The following ITPKB variants were observed in gnomAD, a reference collection of about 807,000 sequenced individuals.
ITPKB encodes the protein inositol-trisphosphate 3-kinase B.
A neutral mutation model predicts 69.4 loss-of-function variants in ITPKB; 13 were observed. The ratio of observed to expected loss-of-function variants is 0.19; its 90% CI spans 0.12 to 0.30. The LOEUF is 0.30. ITPKB is among the 10% of genes least tolerant of loss of function. The probability of loss-of-function intolerance (pLI) is 1.00; values close to 1 mark genes in which losing one functional copy is unlikely to be tolerated. For synonymous variants in ITPKB, 584 were observed against 513.7 expected (o/e 1.14, Z -1.85); for missense variants, 1,240 against 1,250.5 (o/e 0.99, Z 0.13).
chr1:226,656,004 G>A (rs374675489), intron 2 of ITPKB, among the ~76,000 whole-genome samples: 6 of 152,118 alleles, frequency 3.9e-5, no homozygotes, highest in African/African-American at 1.2e-4. Context: ...CTGTCCCCAC[G>A]CCACCTTAGG....
chr1:226,637,730 C>T lies in ITPKB; in HGVS notation c.2574G>A (p.Leu858=). Residue 858 remains leucine (L), a synonymous_variant, in exon 7 of 8, where the codon CTG becomes CTA. Transcript: ENST00000429204. This position sits in a 1 kb window ranked among gnomAD's most constrained non-coding sequence, Gnocchi z 4.3. ...CTTCTAGAGTGGTTCGAATGGCCTT[C>T]AGCCGGTCCCGATAGGCGATCTGGG... The part of the protein sequence containing the change: ...HNILIAYRDR[L]KAIRTTLEVS... 1.2e-6 allele frequency: 2 copies of T among 1,613,924 alleles called. No individual in the cohort carries two copies. Among genetic ancestry groups the T allele is most frequent in the South Asian group, 1.1e-5 (1 of 91,034 alleles).
At chr1:226,726,892 C>T (rs773817189) in intron 2 of ITPKB, among the ~76,000 whole-genome samples, 1 of 152,144 alleles carries the variant, frequency 6.6e-6, no homozygotes, top group African/African-American at 2.4e-5. Flanking sequence ...CAATCTGGGT[C>T]TCAGGATTAT....
intron 7 of ITPKB, among the ~76,000 whole-genome samples, chr1:226,636,710 A>G (rs2102737109): frequency 6.6e-6 from 1 of 150,736 alleles, no homozygotes; most frequent in East Asian, 2.0e-4. Context: ...CCCGCTTCAC[A>G]CCCACCCACC....
At chr1:226,719,426 G>A (rs1360034144) in intron 2 of ITPKB, among the ~76,000 whole-genome samples, 1 of 152,176 alleles carries the variant, frequency 6.6e-6, no homozygotes, top group Non-Finnish European at 1.5e-5. Context: ...TACGATGGAG[G>A]CCACAGCCTC....
chr1:226,657,730 G>T (rs532032317), intron 2 of ITPKB, among the ~76,000 whole-genome samples: 1 of 152,330 alleles, frequency 6.6e-6, no homozygotes, highest in East Asian at 1.9e-4. Context: ...GTTGAGAGGG[G>T]TTTAGTAACT....
At chr1:226,687,831 T>C (rs1656250367) in intron 2 of ITPKB, among the ~76,000 whole-genome samples, 1 of 152,090 alleles carries the variant, frequency 6.6e-6, no homozygotes, top group African/African-American at 2.4e-5. Flanking sequence ...CTCAAGACCA[T>C]AGGGATGGAG....
intron 2 of ITPKB, among the ~76,000 whole-genome samples, chr1:226,671,191 T>C (rs1044792378): frequency 1.1e-4 from 16 of 152,202 alleles, no homozygotes; most frequent in Non-Finnish European, 1.8e-4. Flanking sequence ...GGAACATTAG[T>C]GGAGGACCAT....
chr1:226,693,369 A>G (rs201630783), intron 2 of ITPKB, among the ~76,000 whole-genome samples: 15 of 152,260 alleles, frequency 9.9e-5, no homozygotes, highest in African/African-American at 3.4e-4. Flanking sequence ...TTGCACACAG[A>G]TATTAGGAAA....
At chr1:226,649,452 C>T (rs990563179) in intron 2 of ITPKB, among the ~76,000 whole-genome samples, 1 of 133,532 alleles carries the variant, frequency 7.5e-6, no homozygotes, top group Non-Finnish European at 1.6e-5. Context: ...CGTGTGTGTG[C>T]ATGTGTGATA....
Position 226,633,067 on chromosome 1 carries a change from T to G in ITPKB, c.*1604A>C, listed in dbSNP as rs957378723. On this transcript the variant is annotated 3_prime_UTR_variant, in exon 8 of 8. Transcript: ENST00000429204. ...GTCGGCCCACACAGGAGCTCACCACTGTTTTAAACAAGAGCCAGGAAGTGT... is the reference window on the plus strand; with the variant it reads ...GTCGGCCCACACAGGAGCTCACCACGGTTTTAAACAAGAGCCAGGAAGTGT... 5.3e-5 allele frequency: 8 copies of G among 152,244 alleles called. No homozygotes were observed. Among genetic ancestry groups the G allele is most frequent in the Non-Finnish European group, 7.3e-5 (5 of 68,046 alleles). The allele number at this position is 152,244 out of a possible 1,614,324, so 9.4% of individuals were successfully genotyped here.
intron 7 of ITPKB, among the ~76,000 whole-genome samples, chr1:226,636,447 G>T (rs1668838308): frequency 6.6e-6 from 1 of 152,230 alleles, no homozygotes; most frequent in Non-Finnish European, 1.5e-5. Flanking sequence ...GGAATGACAT[G>T]CAGAGCAAGG....
At chr1:226,718,501 T>C (rs1433547970) in intron 2 of ITPKB, among the ~76,000 whole-genome samples, 1 of 151,856 alleles carries the variant, frequency 6.6e-6, no homozygotes, top group East Asian at 1.9e-4. Flanking sequence ...CTTGGGAGGC[T>C]AAGGCGGGAG....
intron 2 of ITPKB, among the ~76,000 whole-genome samples, chr1:226,661,910 A>G (rs1027874645): frequency 2.6e-5 from 4 of 152,114 alleles, no homozygotes; most frequent in Admixed American, 6.5e-5. Context: ...CCACCTTTCC[A>G]CAAGGAAAGG....
chr1:226,668,414 T>C (rs1020899817), intron 2 of ITPKB, among the ~76,000 whole-genome samples: 3 of 152,180 alleles, frequency 2.0e-5, no homozygotes, highest in Admixed American at 6.5e-5. Context: ...TGTGGTACGA[T>C]GTGTTCCTAA....
At chr1:226,723,037 C>T (rs1009649548) in intron 2 of ITPKB, among the ~76,000 whole-genome samples, 4 of 151,954 alleles carry the variant, frequency 2.6e-5, no homozygotes, top group Admixed American at 1.3e-4. Context: ...AGGCAGGATG[C>T]CCAGGGCTGT....
chr1:226,702,694 T>A (rs952882034), intron 2 of ITPKB, among the ~76,000 whole-genome samples: 2 of 152,196 alleles, frequency 1.3e-5, no homozygotes, highest in African/African-American at 4.8e-5. Flanking sequence ...TGAAGACCCA[T>A]TGGGAGGGTG....
rs777147433 is a variant in ITPKB, at chr1:226,737,504, TC to T, written c.-47del. On this transcript the variant is annotated 5_prime_UTR_variant, in exon 2 of 8. Transcript: ENST00000429204. ...CCGCCGCCGCGGCTCCCGCTCCTGC[TC>T]CGCCGCCGGCGCCTCCTCCTCCCGG... 1.4e-6 allele frequency: 2 copies of T among 1,465,230 alleles called. No individual in the cohort carries two copies. Among genetic ancestry groups the T allele is most frequent in the South Asian group, 3.0e-5 (2 of 66,668 alleles). 90.8% of individuals were successfully genotyped at this position (1,465,230 alleles called of 1,614,324 possible).
intron 2 of ITPKB, among the ~76,000 whole-genome samples, chr1:226,675,904 T>G (rs1407912370): frequency 1.3e-5 from 2 of 152,236 alleles, no homozygotes; most frequent in Admixed American, 1.3e-4. Flanking sequence ...CTTGTAATTC[T>G]GCCCACACTT....
At chr1:226,657,665 AG>A (rs1432272476) in intron 2 of ITPKB, among the ~76,000 whole-genome samples, 2 of 152,240 alleles carry the variant, frequency 1.3e-5, no homozygotes, top group African/African-American at 4.8e-5. Context: ...CTAATAGCTC[AG>A]GTAACTCTCA....
Sources: allele counts gnomAD v4.1 joint callset (sites outside exome capture counted in the v4.1 genomes callset), GRCh38; gene constraint gnomAD v4.1.1; non-coding constraint Gnocchi (gnomAD v3.1); transcripts MANE v1.5; gene names NCBI Gene and HGNC (gene_info 2026-07-23, HGNC 2026-07-21).